Variants in LARP1 observed in about 807,000 individuals in gnomAD.
LARP1 encodes the protein La ribonucleoprotein 1, translational regulator, also known as la-related protein 1.
LARP1 carries 36 observed loss-of-function variants against 122.7 expected under a neutral mutation model. The observed-to-expected ratio is 0.29, with a 90% CI of 0.22 to 0.39. The LOEUF (loss-of-function observed/expected upper bound fraction) is 0.39, where lower values mean the gene tolerates loss of function less well. Ranked by LOEUF, LARP1 falls within the 10% of genes least tolerant of loss-of-function variation. LARP1 has a pLI of 1.00. For missense variants in LARP1, 1,040 were observed against 1,403.6 expected, an observed-to-expected ratio of 0.74 and a Z score of 4.14; for synonymous variants, 539 against 528.7, an observed-to-expected ratio of 1.02 and a Z score of -0.27.
chr5:154,793,335 G>A (rs1382296401), intron 4 of LARP1, among the ~76,000 whole-genome samples: 1 of 152,186 alleles, frequency 6.6e-6, no homozygotes, highest in East Asian at 1.9e-4. Context: ...GCTGCCATGT[G>A]TCTGACTCCA....
chr5:154,754,167 A>G (rs182119012), upstream of LARP1, among the ~76,000 whole-genome samples: 7 of 152,304 alleles, frequency 4.6e-5, no homozygotes, highest in Admixed American at 2.6e-4. Context: ...CAGTTTAACT[A>G]TTGTCTTCAT....
chr5:154,794,034 A>G, intron 6 of LARP1, 34 bp downstream of exon 6: 1 of 1,610,526 alleles, frequency 6.2e-7, no homozygotes, highest in African/African-American at 1.3e-5. Flanking sequence ...CGGGATGTCC[A>G]AGGGTGTGCA....
chr5:154,685,356 A>G (rs894138377), intron 1 of LARP1, among the ~76,000 whole-genome samples: 1 of 152,026 alleles, frequency 6.6e-6, no homozygotes, highest in Middle Eastern at 3.4e-3. Flanking sequence ...TGCTTCCACC[A>G]CAACGGCCAC....
chr5:154,740,118 G>C (rs150141186), intron 1 of LARP1, among the ~76,000 whole-genome samples: 1 of 149,936 alleles, frequency 6.7e-6, no homozygotes. Context: ...ATAGCTGGGC[G>C]CGGTGGCTCA....
chr5:154,767,552 G>A (rs548787922), intron 1 of LARP1, among the ~76,000 whole-genome samples: 1 of 152,264 alleles, frequency 6.6e-6, no homozygotes, highest in Admixed American at 6.5e-5. Flanking sequence ...AGGACTCACT[G>A]GGGACCATAA....
At chr5:154,756,859 G>A (rs1445967280) in intron 1 of LARP1, among the ~76,000 whole-genome samples, 1 of 152,070 alleles carries the variant, frequency 6.6e-6, no homozygotes, top group Non-Finnish European at 1.5e-5. Context: ...GCCTTAAGAA[G>A]GAGCCCGATG....
At chr5:154,813,618 CT>C (rs993781798) in intron 18 of LARP1, among the ~76,000 whole-genome samples, 5 of 152,130 alleles carry the variant, frequency 3.3e-5, no homozygotes, top group African/African-American at 9.7e-5. Context: ...GGGGAAGTTA[CT>C]TTTTTGTGCT....
chr5:154,701,622 CTTTT>C (rs70981938), intron 1 of LARP1, among the ~76,000 whole-genome samples: 5 of 135,436 alleles, frequency 3.7e-5, no homozygotes, highest in Admixed American at 7.5e-5. Context: ...GGGAAACTTT[CTTTT>C]TTTTTTTTTT....
chr5:154,779,628 C>T (rs1318903197), intron 1 of LARP1, among the ~76,000 whole-genome samples: 1 of 151,936 alleles, frequency 6.6e-6, no homozygotes, highest in Non-Finnish European at 1.5e-5. Context: ...CCTGCCTAAG[C>T]CTCCCGAGTA....
chr5:154,810,446 A>G (rs1759172825), intron 16 of LARP1, among the ~76,000 whole-genome samples: 1 of 150,988 alleles, frequency 6.6e-6, no homozygotes. Context: ...AAAAAAAAGA[A>G]AAAAAAAAGA....
upstream of LARP1, among the ~76,000 whole-genome samples, chr5:154,751,732 T>A (rs1436949531): frequency 3.3e-5 from 5 of 152,228 alleles, no homozygotes; most frequent in Non-Finnish European, 1.5e-5. Flanking sequence ...GTTATAATTG[T>A]TCTATTTTAT....
At chr5:154,697,016 C>T (rs530185385) in intron 1 of LARP1, among the ~76,000 whole-genome samples, 9 of 152,206 alleles carry the variant, frequency 5.9e-5, no homozygotes, top group East Asian at 5.8e-4. Flanking sequence ...CAATCTGATA[C>T]GCATTTGTTT....
At chr5:154,685,449 C>A (rs967204846) in intron 1 of LARP1, among the ~76,000 whole-genome samples, 2 of 152,136 alleles carry the variant, frequency 1.3e-5, no homozygotes, top group African/African-American at 4.8e-5. Context: ...TGGCTGGCCC[C>A]TTCTTATCCT....
chr5:154,766,300 C>T (rs1754946003), intron 1 of LARP1, among the ~76,000 whole-genome samples: 1 of 152,174 alleles, frequency 6.6e-6, no homozygotes, highest in South Asian at 2.1e-4. Flanking sequence ...ATGACTCTGG[C>T]CACATGGCAG....
At chr5:154,772,098 A>G (rs1755482479) in intron 1 of LARP1, among the ~76,000 whole-genome samples, 1 of 152,252 alleles carries the variant, frequency 6.6e-6, no homozygotes, top group Non-Finnish European at 1.5e-5. Context: ...GAACATAAAT[A>G]CACATATAAA....
intron 7 of LARP1, among the ~76,000 whole-genome samples, chr5:154,794,661 C>T (rs185291469): frequency 2.1e-4 from 32 of 152,278 alleles, no homozygotes; most frequent in African/African-American, 7.7e-4. Context: ...TTCCTATGAG[C>T]TGAGTCTTTT....
chr5:154,806,396 G>C (rs1758788935), intron 15 of LARP1, among the ~76,000 whole-genome samples: 1 of 152,212 alleles, frequency 6.6e-6, no homozygotes, highest in African/African-American at 2.4e-5. Flanking sequence ...CTAGAACAAA[G>C]GTTGCCAAAC....
At position 154,796,147 on chromosome 5, in the gene LARP1, TTA is replaced by T. The variant is rs1017964248; in HGVS notation, c.1377+838_1377+839del. On this transcript the variant is annotated intron_variant, in intron 8 of 18. Transcript: ENST00000518297. ...TATATATATTTTATATATTTATATATTATATATATATTTTATGTATTTATATA... is the reference window on the plus strand; with the variant it reads ...TATATATATTTTATATATTTATATATTATATATATTTTATGTATTTATATA... Among the ~76,000 whole-genome samples the T allele has an allele frequency of 1.9e-4, 24 of 125,692 alleles. No individual in the cohort carries two copies. The East Asian group carries it at 2.3e-3, about 12-fold the overall frequency. 82.5% of individuals were successfully genotyped at this position (125,692 alleles called of 152,430 possible). A position where few individuals can be genotyped will look rare whatever the true frequency, so the allele number is the denominator to read the frequency against.
At chr5:154,704,904 G>A (rs1443917684) in intron 1 of LARP1, among the ~76,000 whole-genome samples, 1 of 151,986 alleles carries the variant, frequency 6.6e-6, no homozygotes, top group Non-Finnish European at 1.5e-5. Context: ...AATCACCTGA[G>A]GTCAGGAGTT....
Sources: allele counts gnomAD v4.1 joint callset (sites outside exome capture counted in the v4.1 genomes callset), GRCh38; gene constraint gnomAD v4.1.1; transcripts MANE v1.5; gene names NCBI Gene and HGNC (gene_info 2026-07-23, HGNC 2026-07-21).